The following PPP2R2C variants were observed in gnomAD, a reference collection of about 807,000 sequenced individuals.
PPP2R2C encodes protein phosphatase 2, regulatory subunit B, gamma.
In PPP2R2C, 10 loss-of-function variants were observed where a neutral mutation model predicts 45.3. The ratio of observed to expected loss-of-function variants is 0.22; its 90% confidence interval spans 0.14 to 0.37. PPP2R2C has a LOEUF of 0.37. Among genes scored for constraint, PPP2R2C ranks in the 10% least tolerant of loss-of-function variants. The probability of loss-of-function intolerance (pLI) is 1.00; values close to 1 mark genes in which losing one functional copy is unlikely to be tolerated. For synonymous variants in PPP2R2C, 257 were observed against 245.4 expected, an observed-to-expected ratio of 1.05 and a Z score of -0.44; for missense variants, 308 against 619.7, an observed-to-expected ratio of 0.50 and a Z score of 5.34.
chr4:6,542,709 A>AAAAAAACAAAAAG (rs112182178), intron 1 of PPP2R2C, among the ~76,000 whole-genome samples: 5 of 127,836 alleles, frequency 3.9e-5, no homozygotes, highest in African/African-American at 1.1e-4. Flanking sequence ...TCTCAAAAAA[A>AAAAAAACAAAAAG]AAAAAGAAAA....
rs536444029 is a variant in PPP2R2C, at chr4:6,493,940, G to GT, written c.49+41330dup. Among the ~76,000 whole-genome samples, 23 of 152,352 alleles carry GT rather than the reference G, an allele frequency of 1.5e-4. 1 individual carries two copies. The South Asian group carries it at 4.8e-3, about 32-fold the overall frequency. ...AATGTTAAAGCAAACCTTCCTGGCTGTTAGATGCGTTGGCCTTTTTTAATC... is the reference window on the plus strand; with the variant it reads ...AATGTTAAAGCAAACCTTCCTGGCTGTTTAGATGCGTTGGCCTTTTTTAATC... On this transcript the variant is annotated intron_variant, in intron 2 of 9. Coordinates refer to the PPP2R2C transcript ENST00000506140.
intron 5 of PPP2R2C, among the ~76,000 whole-genome samples, chr4:6,354,754 G>C (rs1408676459): frequency 6.6e-6 from 1 of 151,344 alleles, no homozygotes; most frequent in Non-Finnish European, 1.5e-5. Flanking sequence ...CACAGTCAGT[G>C]AGCAGCAGAG....
chr4:6,467,486 T>A (rs913149194), intron 1 of PPP2R2C, among the ~76,000 whole-genome samples: 1 of 152,148 alleles, frequency 6.6e-6, no homozygotes, highest in African/African-American at 2.4e-5. Context: ...TCTCAGGCTC[T>A]CTTATCTGAC....
chr4:6,540,304 A>G (rs1031302846), intron 1 of PPP2R2C, among the ~76,000 whole-genome samples: 2 of 152,222 alleles, frequency 1.3e-5, no homozygotes, highest in Admixed American at 1.3e-4. Flanking sequence ...CTATAAATGG[A>G]ATCATACACT....
rs1029938951 is a variant in PPP2R2C, at chr4:6,329,132, A to C, written c.1052+130T>G. ...ACCTGCTCTGGAAAGCGTGGGCTTC[A>C]CCCAGACACCTGGACCCATTGAGGC... On this transcript the variant is annotated intron_variant, in intron 8 of 8. Transcript: ENST00000382599. This position sits in a 1 kb window ranked among gnomAD's most constrained non-coding sequence, Gnocchi z 5.8. The C allele has an allele frequency of 1.3e-6, 1 of 784,574 alleles. No individual in the cohort carries two copies. The highest frequency in any genetic ancestry group is 2.1e-6 in the Non-Finnish European group (1 of 471,878). The allele number at this position is 784,574 out of a possible 1,614,324, so 48.6% of individuals were successfully genotyped here. A position where few individuals can be genotyped will look rare whatever the true frequency, so the allele number is the denominator to read the frequency against.
At chr4:6,336,054 G>A (rs981261389) in intron 6 of PPP2R2C, among the ~76,000 whole-genome samples, 2 of 152,118 alleles carry the variant, frequency 1.3e-5, no homozygotes, top group Non-Finnish European at 1.5e-5. Flanking sequence ...TTCCAGTCCT[G>A]GCGTCAAGAT....
At chr4:6,546,309 G>T (rs1347779583) in intron 1 of PPP2R2C, among the ~76,000 whole-genome samples, 1 of 152,184 alleles carries the variant, frequency 6.6e-6, no homozygotes, top group African/African-American at 2.4e-5. Flanking sequence ...ACCTGGGAGG[G>T]GGTGCACTGG....
chr4:6,345,341 G>A lies in PPP2R2C; in HGVS notation c.790+2505C>T, dbSNP rs1711758199. 6.6e-6 allele frequency among the ~76,000 whole-genome samples: 1 copy of A among 152,186 alleles called. No homozygotes were observed. Among genetic ancestry groups the A allele is most frequent in the African/African-American group, 2.4e-5 (1 of 41,436 alleles). ...GGGGCAGTGTCCTGTAGTAGGCGGT[G>A]GAACGGCCCCCAGAGACGGCTGCGT... On this transcript the variant is annotated intron_variant, in intron 6 of 8. Transcript: ENST00000382599. This position sits in a 1 kb window ranked among gnomAD's most constrained non-coding sequence, Gnocchi z 5.3.
chr4:6,351,076 GAGC>G (rs1252461079), intron 5 of PPP2R2C: 1 of 955,988 alleles, frequency 1.0e-6, no homozygotes, highest in African/African-American at 1.8e-5. Flanking sequence ...AGGTCAAGGC[GAGC>G]AGGTCACCTG....
At chr4:6,419,813 T>C (rs1718846863) in intron 1 of PPP2R2C, among the ~76,000 whole-genome samples, 1 of 152,178 alleles carries the variant, frequency 6.6e-6, no homozygotes, top group South Asian at 2.1e-4. Context: ...TTCTGGTGTG[T>C]AGATAAATCA....
At position 6,337,112 on chromosome 4, in the gene PPP2R2C, GTATATATATATA is replaced by G. The variant is rs61657951; in HGVS notation, c.791-3393_791-3382del. On this transcript the variant is annotated intron_variant, in intron 6 of 8. Coordinates refer to ENST00000382599, the MANE Select transcript of PPP2R2C (RefSeq NM_020416.4). ...CATCTTTGTTTCTGTATGTGTGTGT[GTATATATATATA>G]TATATATATATATATATATATATAT... is the stretch of plus-strand genomic sequence containing the variant. Among the ~76,000 whole-genome samples, 64 of 30,120 alleles carry G rather than the reference GTATATATATATA, an allele frequency of 2.1e-3. 2 individuals carry two copies. Among genetic ancestry groups the G allele is most frequent in the Middle Eastern group, 0.042 (1 of 24 alleles). 19.8% of individuals were successfully genotyped at this position (30,120 alleles called of 152,430 possible).
Position 6,360,019 on chromosome 4 carries a change from G to A in PPP2R2C, c.626-12009C>T, listed in dbSNP as rs1183833949. ...TGATGGGCCCCAGTGGAGATCCCAC[G>A]ACAAGCTAATCTAAAAACCACAGCA... On this transcript the variant is annotated intron_variant, in intron 5 of 8. Coordinates refer to ENST00000382599, the MANE Select transcript of PPP2R2C (RefSeq NM_020416.4). 2.0e-5 allele frequency among the ~76,000 whole-genome samples: 3 copies of A among 152,172 alleles called. 1 individual carries two copies. Among genetic ancestry groups the A allele is most frequent in the Admixed American group, 1.3e-4 (2 of 15,270 alleles).
chr4:6,451,188 C>T (rs1720715351), intron 1 of PPP2R2C, among the ~76,000 whole-genome samples: 1 of 152,182 alleles, frequency 6.6e-6, no homozygotes, highest in African/African-American at 2.4e-5. Context: ...GGACACAGAC[C>T]TTGTCAATCG....
rs894633825 is a variant in PPP2R2C, at chr4:6,321,368, G to A, written c.*1934C>T. 2.6e-5 allele frequency: 4 copies of A among 152,362 alleles called. No homozygotes were observed. The highest frequency in any genetic ancestry group is 5.9e-5 in the Non-Finnish European group (4 of 67,996). 9.4% of individuals were successfully genotyped at this position (152,362 alleles called of 1,614,324 possible). A position where few individuals can be genotyped will look rare whatever the true frequency, so the allele number is the denominator to read the frequency against. ...CATTCTCGAACCTCTTTACAAGGGGGAAAAAAGTAATCCAATCCTTTGATT... is the reference window on the plus strand; with the variant it reads ...CATTCTCGAACCTCTTTACAAGGGGAAAAAAAGTAATCCAATCCTTTGATT... On this transcript the variant is annotated 3_prime_UTR_variant, in exon 9 of 9. Transcript: ENST00000382599.
chr4:6,526,075 C>T (rs1724189571), intron 2 of PPP2R2C, among the ~76,000 whole-genome samples: 1 of 152,180 alleles, frequency 6.6e-6, no homozygotes, highest in South Asian at 2.1e-4. Flanking sequence ...CACAGAGGCT[C>T]TTCCCGTCCT....
intron 5 of PPP2R2C, among the ~76,000 whole-genome samples, chr4:6,356,938 C>T (rs1713252551): frequency 6.7e-6 from 1 of 149,920 alleles, no homozygotes; most frequent in Non-Finnish European, 1.5e-5. Flanking sequence ...AGCCTCAAAT[C>T]CCCCTTTCAT....
At chr4:6,437,364 A>G (rs963126360) in intron 1 of PPP2R2C, among the ~76,000 whole-genome samples, 1 of 152,248 alleles carries the variant, frequency 6.6e-6, no homozygotes, top group Non-Finnish European at 1.5e-5. Flanking sequence ...CATCCCTTCA[A>G]CAACACAGGA....
chr4:6,511,876 G>T (rs1560594573), intron 2 of PPP2R2C, among the ~76,000 whole-genome samples: 1 of 44,552 alleles, frequency 2.2e-5, no homozygotes, highest in Admixed American at 2.2e-4. Flanking sequence ...GGTGGTGGTG[G>T]TGGTGGTGGT....
At chr4:6,366,861 G>C (rs1449491833) in intron 5 of PPP2R2C, among the ~76,000 whole-genome samples, 1 of 152,136 alleles carries the variant, frequency 6.6e-6, no homozygotes, top group African/African-American at 2.4e-5. Flanking sequence ...CTGTGGAGGG[G>C]CTCAGGCTTC....
Sources: allele counts gnomAD v4.1 joint callset (sites outside exome capture counted in the v4.1 genomes callset), GRCh38; gene constraint gnomAD v4.1.1; non-coding constraint Gnocchi (gnomAD v3.1); transcripts MANE v1.5; gene names NCBI Gene and HGNC (gene_info 2026-07-23, HGNC 2026-07-21).